EYS: variants seen among roughly 807,000 people sequenced by gnomAD.
The protein encoded by EYS is EGF-like photoreceptor maintenance factor.
In EYS, 250 loss-of-function variants were observed where a neutral mutation model predicts 282.1. That is an observed-to-expected ratio of 0.89 (90% confidence interval 0.80 to 0.98). The LOEUF (loss-of-function observed/expected upper bound fraction) is 0.98. Ranked by LOEUF, EYS falls within the 50% of genes least tolerant of loss-of-function variation. EYS has a pLI of 0.00. For missense variants in EYS, 4,016 were observed against 3,709.0 expected (o/e 1.08, Z -2.15); for synonymous variants, 1,355 against 1,282.9 (o/e 1.06, Z -1.20).
intron 12 of EYS, among the ~76,000 whole-genome samples, chr6:65,233,422 C>A (rs190991985): frequency 7.2e-5 from 11 of 152,122 alleles, no homozygotes; most frequent in Admixed American, 7.2e-4. Flanking sequence ...AGTGTTTTCC[C>A]TGATCATATT....
chr6:65,145,748 G>C (rs1007286513), intron 12 of EYS, among the ~76,000 whole-genome samples: 6 of 151,840 alleles, frequency 4.0e-5, no homozygotes, highest in South Asian at 2.1e-4. Context: ...CCTCGTTCTT[G>C]CCAAAATTTT....
At chr6:64,996,349 G>C (rs575749555) in intron 14 of EYS, among the ~76,000 whole-genome samples, 1 of 152,136 alleles carries the variant, frequency 6.6e-6, no homozygotes, top group Admixed American at 6.6e-5. Flanking sequence ...TCTTGCTTTA[G>C]GGCCTCAAAA....
intron 13 of EYS, among the ~76,000 whole-genome samples, chr6:65,000,573 A>G (rs1771429092): frequency 6.6e-6 from 1 of 152,116 alleles, no homozygotes; most frequent in Non-Finnish European, 1.5e-5. Flanking sequence ...GGAGTTCAAG[A>G]CCAGCCTGAT....
intron 12 of EYS, among the ~76,000 whole-genome samples, chr6:65,141,600 C>T (rs904994741): frequency 1.3e-5 from 2 of 151,906 alleles, no homozygotes; most frequent in East Asian, 1.9e-4. Context: ...TCCAAACACA[C>T]ATCTATTCAA....
chr6:64,516,578 TTGAAGTTGAGTC>T (rs6149620), intron 26 of EYS, among the ~76,000 whole-genome samples: 45,223 of 151,104 alleles, frequency 0.3, 6,755 homozygotes, highest in East Asian at 0.44. Context: ...CATACTTCAC[TTGAAGTTGAGTC>T]TGAAGTTGAG....
intron 2 of EYS, among the ~76,000 whole-genome samples, chr6:65,589,365 T>C (rs1765157884): frequency 6.6e-6 from 1 of 152,068 alleles, no homozygotes; most frequent in Non-Finnish European, 1.5e-5. Flanking sequence ...GTTTCGTCAG[T>C]CTGCAATTAT....
intron 26 of EYS, among the ~76,000 whole-genome samples, chr6:64,557,254 T>G (rs2149809427): frequency 7.3e-6 from 1 of 137,720 alleles, no homozygotes; most frequent in Admixed American, 7.3e-5. Flanking sequence ...ACACACACAT[T>G]TTATTAAATA....
chr6:64,902,778 T>C (rs534438255), intron 16 of EYS, among the ~76,000 whole-genome samples: 5 of 152,236 alleles, frequency 3.3e-5, no homozygotes, highest in South Asian at 2.1e-4. Flanking sequence ...GCTGTTGTTT[T>C]AAGGTATTTA....
chr6:64,730,545 CT>C (rs1352051874), intron 22 of EYS, among the ~76,000 whole-genome samples: 1 of 152,160 alleles, frequency 6.6e-6, no homozygotes, highest in Non-Finnish European at 1.5e-5. Flanking sequence ...GTGGCGCGAT[CT>C]TGGCTCACTG....
chr6:65,624,975 T>C (rs1766645145), intron 2 of EYS, among the ~76,000 whole-genome samples: 1 of 152,080 alleles, frequency 6.6e-6, no homozygotes, highest in African/African-American at 2.4e-5. Flanking sequence ...TATATACACA[T>C]CTATCCTATT....
chr6:65,666,955 TG>T (rs1172012471), intron 1 of EYS, among the ~76,000 whole-genome samples: 1 of 148,012 alleles, frequency 6.8e-6, no homozygotes, highest in Non-Finnish European at 1.5e-5. Flanking sequence ...TGCCACCCAA[TG>T]TAAAAAAAAA....
rs564386319 is a variant in EYS, at chr6:64,524,268, CAT to C, written c.5644+65953_5644+65954del. Reference sequence around the variant, plus strand: ...ATAAAATGTTTGTAAAATAATTCCACATGTTTGAACTCAGCTATAAATTTAAA... The same window carrying C: ...ATAAAATGTTTGTAAAATAATTCCACGTTTGAACTCAGCTATAAATTTAAA... On this transcript the variant is annotated intron_variant, in intron 26 of 42. Coordinates refer to ENST00000503581, the MANE Select transcript of EYS (RefSeq NM_001142800.2). Among the ~76,000 whole-genome samples, 57 of 151,820 alleles carry C rather than the reference CAT, an allele frequency of 3.8e-4. No individual in the cohort carries two copies. The South Asian group carries it at 7.7e-3, about 20-fold the overall frequency.
chr6:64,529,598 A>T (rs1764255743), intron 26 of EYS, among the ~76,000 whole-genome samples: 1 of 152,066 alleles, frequency 6.6e-6, no homozygotes, highest in African/African-American at 2.4e-5. Flanking sequence ...ATAAGAATTG[A>T]ATGATGCTTT....
Position 64,393,699 on chromosome 6 carries a change from G to A in EYS, c.5928-4859C>T, listed in dbSNP as rs1773247396. 4.0e-5 allele frequency among the ~76,000 whole-genome samples: 6 copies of A among 151,398 alleles called. No individual in the cohort carries two copies. In the South Asian group the frequency reaches 1.3e-3, roughly 32 times the overall value. On this transcript the variant is annotated intron_variant, in intron 28 of 42. Coordinates refer to ENST00000503581, the MANE Select transcript of EYS (RefSeq NM_001142800.2). ...CATACTGAATGGGCAAAAACTGGAA[G>A]CATTCCCTTTGAAAACTGGCACAAG...
intron 12 of EYS, among the ~76,000 whole-genome samples, chr6:65,117,313 G>A (rs1236591446): frequency 6.6e-6 from 1 of 152,280 alleles, no homozygotes; most frequent in African/African-American, 2.4e-5. Context: ...AGCTATTTAT[G>A]TACCATCATT....
intron 29 of EYS, among the ~76,000 whole-genome samples, chr6:64,372,743 T>C (rs78076939): frequency 0.031 from 4,733 of 152,278 alleles, 231 homozygotes; most frequent in African/African-American, 0.11. Context: ...GTTCATTCTT[T>C]ATTGTTTTTC....
At chr6:64,994,375 G>A (rs575691656) in intron 14 of EYS, among the ~76,000 whole-genome samples, 10 of 152,098 alleles carry the variant, frequency 6.6e-5, no homozygotes, top group Admixed American at 6.6e-4. Context: ...AAAAGAAAAT[G>A]CTGTAAATAT....
chr6:65,478,727 C>G lies in EYS; in HGVS notation c.862+11867G>C, dbSNP rs182590892. Among the ~76,000 whole-genome samples the G allele has an allele frequency of 9.0e-3, 1,366 of 151,904 alleles. 6 individuals carry two copies. Among genetic ancestry groups the G allele is most frequent in the Middle Eastern group, 0.014 (4 of 294 alleles). On this transcript the variant is annotated intron_variant, in intron 5 of 42. Coordinates refer to ENST00000503581, the MANE Select transcript of EYS (RefSeq NM_001142800.2). Reference sequence around the variant, plus strand: ...AATTACTGTTTCTACTTGGAAGGGCCCTGTTTAGAATCACTGAAGAGTTGC... The same window carrying G: ...AATTACTGTTTCTACTTGGAAGGGCGCTGTTTAGAATCACTGAAGAGTTGC...
At chr6:65,196,929 G>A (rs956595643) in intron 12 of EYS, among the ~76,000 whole-genome samples, 2 of 152,074 alleles carry the variant, frequency 1.3e-5, no homozygotes, top group Non-Finnish European at 2.9e-5. Flanking sequence ...AACAAGAGTG[G>A]CTGCAATGGG....
Sources: allele counts gnomAD v4.1 joint callset (sites outside exome capture counted in the v4.1 genomes callset), GRCh38; gene constraint gnomAD v4.1.1; transcripts MANE v1.5; gene names NCBI Gene and HGNC (gene_info 2026-07-23, HGNC 2026-07-21).